COL22A1: variants seen among roughly 807,000 people sequenced by gnomAD.
COL22A1 encodes the protein collagen alpha-1(XXII) chain.
In COL22A1, 221 loss-of-function variants were observed where a neutral mutation model predicts 248.9. The observed-to-expected ratio is 0.89, with a 90% CI of 0.80 to 0.99. The LOEUF (loss-of-function observed/expected upper bound fraction) is 0.99, where lower values mean the gene tolerates loss of function less well. Ranked by LOEUF, COL22A1 falls within the 50% of genes least tolerant of loss-of-function variation. The probability of loss-of-function intolerance (pLI) is 0.00; values close to 1 mark genes in which losing one functional copy is unlikely to be tolerated. For missense variants in COL22A1, 2,240 were observed against 2,179.0 expected (o/e 1.03, Z -0.56); for synonymous variants, 891 against 793.4 (o/e 1.12, Z -2.07).
chr8:138,864,628 C>A (rs1305303267), intron 3 of COL22A1, among the ~76,000 whole-genome samples: 1 of 152,216 alleles, frequency 6.6e-6, no homozygotes, highest in Non-Finnish European at 1.5e-5. Flanking sequence ...ACACTAAGTA[C>A]GTAAGCTTCC....
chr8:138,781,829 C>T (rs959170702), intron 12 of COL22A1, among the ~76,000 whole-genome samples: 1 of 152,202 alleles, frequency 6.6e-6, no homozygotes, highest in Non-Finnish European at 1.5e-5. Context: ...TGGCACTGAG[C>T]AAGGCTGCGC....
At chr8:138,754,853 T>G (rs1303368924) in intron 21 of COL22A1, among the ~76,000 whole-genome samples, 1 of 152,188 alleles carries the variant, frequency 6.6e-6, no homozygotes, top group Non-Finnish European at 1.5e-5. Context: ...AAATAAAACA[T>G]CAAACTGAAT....
chr8:138,650,568 G>A (rs916672878), intron 45 of COL22A1, among the ~76,000 whole-genome samples: 1 of 151,996 alleles, frequency 6.6e-6, no homozygotes, highest in Admixed American at 6.6e-5. Context: ...CCCCTCCATG[G>A]CCTTCTCTCT....
intron 59 of COL22A1, among the ~76,000 whole-genome samples, chr8:138,603,985 C>A (rs1359001200): frequency 6.6e-6 from 1 of 152,146 alleles, no homozygotes; most frequent in Non-Finnish European, 1.5e-5. Flanking sequence ...GTCTCCTGGG[C>A]TACAGCAGAA....
At chr8:138,698,446 C>T (rs1194584074) in intron 32 of COL22A1, among the ~76,000 whole-genome samples, 1 of 152,202 alleles carries the variant, frequency 6.6e-6, no homozygotes, top group African/African-American at 2.4e-5. Context: ...TGTTAGGAGG[C>T]TTGGTTGCAG....
chr8:138,665,266 C>A (rs2130724817), intron 41 of COL22A1, among the ~76,000 whole-genome samples: 1 of 152,302 alleles, frequency 6.6e-6, no homozygotes, highest in Admixed American at 6.5e-5. Flanking sequence ...TGTGCAGAGA[C>A]AGGAAGCGAG....
At chr8:138,857,060 G>A (rs2131935739) in intron 3 of COL22A1, among the ~76,000 whole-genome samples, 1 of 151,686 alleles carries the variant, frequency 6.6e-6, no homozygotes, top group East Asian at 1.9e-4. Context: ...GTCCCCTCCT[G>A]GCCTTGCTGT....
intron 11 of COL22A1, among the ~76,000 whole-genome samples, chr8:138,797,819 G>T (rs1048011068): frequency 4.0e-5 from 6 of 151,866 alleles, no homozygotes; most frequent in Non-Finnish European, 7.4e-5. Flanking sequence ...AATTCTGTCA[G>T]TTTTTGCTTC....
At chr8:138,750,356 A>G (rs1300510448) in intron 22 of COL22A1, among the ~76,000 whole-genome samples, 1 of 152,222 alleles carries the variant, frequency 6.6e-6, no homozygotes, top group Non-Finnish European at 1.5e-5. Context: ...CAAAAGGGTT[A>G]TAGGAGGCAC....
chr8:138,902,078 A>C (rs1298670596), intron 1 of COL22A1, among the ~76,000 whole-genome samples: 1 of 152,166 alleles, frequency 6.6e-6, no homozygotes, highest in Non-Finnish European at 1.5e-5. Flanking sequence ...CTGCAGGCAC[A>C]GGGGAGGAAG....
intron 47 of COL22A1, among the ~76,000 whole-genome samples, chr8:138,645,999 C>A (rs1822172937): frequency 6.6e-6 from 1 of 152,156 alleles, no homozygotes; most frequent in Admixed American, 6.5e-5. Flanking sequence ...CTTCTTAGAG[C>A]TAAATACTAA....
intron 53 of COL22A1, among the ~76,000 whole-genome samples, chr8:138,618,532 C>A (rs573213720): frequency 6.6e-6 from 1 of 152,128 alleles, no homozygotes; most frequent in African/African-American, 2.4e-5. Context: ...CATAAGAGGT[C>A]GTATTCCTCA....
chr8:138,726,569 G>A (rs1830333468), intron 23 of COL22A1, among the ~76,000 whole-genome samples: 1 of 151,792 alleles, frequency 6.6e-6, no homozygotes, highest in Non-Finnish European at 1.5e-5. Flanking sequence ...TCTAGGTCCA[G>A]GGGGTCCTGG....
At chr8:138,608,965 CTAAA>C (rs1414804796) in intron 56 of COL22A1, among the ~76,000 whole-genome samples, 1 of 152,226 alleles carries the variant, frequency 6.6e-6, no homozygotes, top group African/African-American at 2.4e-5. Context: ...AGGTTTCCTG[CTAAA>C]TAATAAACCA....
chr8:138,844,558 A>G (rs1821100315), intron 3 of COL22A1, among the ~76,000 whole-genome samples: 1 of 152,210 alleles, frequency 6.6e-6, no homozygotes, highest in African/African-American at 2.4e-5. Context: ...GAGGACAGAG[A>G]AGCTTTCCTG....
At chr8:138,759,648 A>T (rs2131382416) in intron 18 of COL22A1, among the ~76,000 whole-genome samples, 1 of 152,314 alleles carries the variant, frequency 6.6e-6, no homozygotes. Flanking sequence ...CATTTTGCAA[A>T]GAATGTCTAC....
At chr8:138,726,130 C>G (rs964303823) in intron 23 of COL22A1, among the ~76,000 whole-genome samples, 2 of 151,040 alleles carry the variant, frequency 1.3e-5, no homozygotes, top group Non-Finnish European at 2.9e-5. Context: ...ACGTAAGACC[C>G]GTTTCCAAGC....
chr8:138,878,370 T>A, intron 2 of COL22A1, 54 bp from the exon 3 acceptor site: 1 of 1,387,232 alleles, frequency 7.2e-7, no homozygotes, highest in Non-Finnish European at 9.7e-7. Context: ...GAAAGGACAC[T>A]GTCCTGGGGT....
At chr8:138,674,561 A>G (rs1293132492) in intron 41 of COL22A1, among the ~76,000 whole-genome samples, 1 of 152,178 alleles carries the variant, frequency 6.6e-6, no homozygotes, top group South Asian at 2.1e-4. Context: ...CCAGCCAATT[A>G]CTTTTCAGGT....
Sources: allele counts gnomAD v4.1 joint callset (sites outside exome capture counted in the v4.1 genomes callset), GRCh38; gene constraint gnomAD v4.1.1; transcripts MANE v1.5; gene names NCBI Gene and HGNC (gene_info 2026-07-23, HGNC 2026-07-21).